ADCY5: variants seen among roughly 807,000 people sequenced by gnomAD.
ADCY5 encodes the protein adenylate cyclase 5.
Under a neutral mutation model 119.7 loss-of-function variants are expected in ADCY5, and 30 were observed. The observed-to-expected ratio is 0.25, with a 90% CI of 0.19 to 0.34. The LOEUF is 0.34. Ranked by LOEUF, ADCY5 falls within the 10% of genes least tolerant of loss-of-function variation. The pLI, the probability that ADCY5 is intolerant of heterozygous loss-of-function variation, is 1.00. For synonymous variants in ADCY5, 753 were observed against 762.2 expected (o/e 0.99, Z 0.20); for missense variants, 1,324 against 1,775.2 (o/e 0.75, Z 4.57).
At chr3:123,412,347 A>G (rs1945073345) in intron 1 of ADCY5, among the ~76,000 whole-genome samples, 1 of 152,154 alleles carries the variant, frequency 6.6e-6, no homozygotes, top group South Asian at 2.1e-4. Flanking sequence ...AGTAACAGAG[A>G]AAGGACCCAA....
intron 1 of ADCY5, among the ~76,000 whole-genome samples, chr3:123,358,129 C>A (rs966508142): frequency 2.7e-5 from 4 of 150,730 alleles, no homozygotes; most frequent in Admixed American, 2.6e-4. Flanking sequence ...GCTGGCCTCA[C>A]GGGACACATC....
chr3:123,396,826 G>GAGAGAGAGAGAGAGAGAC (rs1944607982), intron 1 of ADCY5, among the ~76,000 whole-genome samples: 1 of 150,406 alleles, frequency 6.6e-6, no homozygotes, highest in Non-Finnish European at 1.5e-5. Flanking sequence ...AGGCGAGAGA[G>GAGAGAGAGAGAGAGAGAC]AGAGAGAGAG....
intron 3 of ADCY5, among the ~76,000 whole-genome samples, chr3:123,342,137 G>C (rs1942316615): frequency 6.6e-6 from 1 of 152,206 alleles, no homozygotes; most frequent in Non-Finnish European, 1.5e-5. Flanking sequence ...CGGGAATGCA[G>C]GATGTTCACG....
rs781458896 is a variant in ADCY5 at position 123,447,549 on chromosome 3, C to T, written c.997G>A (p.Val333Met). The T allele has an allele frequency of 1.2e-6, 2 of 1,609,438 alleles. No homozygotes were observed. Among genetic ancestry groups the T allele is most frequent in the South Asian group, 1.1e-5 (1 of 90,912 alleles). The change falls in exon 1 of 21, where the codon GTG (valine) becomes ATG (methionine). Residue 333 changes from valine to methionine, a missense_variant. Physicochemically the swap from Val to Met is conservative, Grantham distance 21. This residue lies in a region of ADCY5 where 585 missense variants were observed against 569.9 expected (regional missense o/e 1.03). Transcript: ENST00000462833. Reference protein sequence around the residue: ...RSASEGIWWTVFFIYTIYTLL... With the variant: ...RSASEGIWWTMFFIYTIYTLL... Reference sequence around the variant, plus strand: ...GTGTAGATGGTGTAGATGAAGAACACGGTCCACCAGATGCCCTCAGAGGCG... The same window carrying T: ...GTGTAGATGGTGTAGATGAAGAACATGGTCCACCAGATGCCCTCAGAGGCG...
intron 1 of ADCY5, among the ~76,000 whole-genome samples, chr3:123,360,933 C>T (rs890990090): frequency 8.5e-5 from 13 of 152,212 alleles, no homozygotes; most frequent in East Asian, 3.9e-4. Flanking sequence ...AACTGAGGCC[C>T]GAGGCAGGGG....
chr3:123,399,896 C>T (rs556458453), intron 1 of ADCY5, among the ~76,000 whole-genome samples: 45 of 152,240 alleles, frequency 3.0e-4, no homozygotes, highest in African/African-American at 1.1e-3. Context: ...TTAATATCCC[C>T]AAGTCAACAG....
Position 123,332,856 on chromosome 3 carries a change from G to A in ADCY5, c.1407-181C>T, listed in dbSNP as rs766189295. Among the ~76,000 whole-genome samples the A allele has an allele frequency of 4.7e-4, 72 of 152,002 alleles. 1 individual carries two copies. Among genetic ancestry groups the A allele is most frequent in the Middle Eastern group, 3.4e-3 (1 of 294 alleles). On this transcript the variant is annotated intron_variant, in intron 3 of 20. Coordinates refer to ENST00000462833, the MANE Select transcript of ADCY5 (RefSeq NM_183357.3). ...TGCAGCCTCGACTTCTTGGGCTCAG[G>A]GGATCCTCTCCCCTCAGCCTCCCAA...
chr3:123,366,333 G>C lies in ADCY5; in HGVS notation c.1135-13752C>G, dbSNP rs80260496. On this transcript the variant is annotated intron_variant, in intron 1 of 20. Coordinates refer to ENST00000462833, the MANE Select transcript of ADCY5 (RefSeq NM_183357.3). ...AGAATATCAAACTGCTGAGCCATTG[G>C]TGGCCCACCTTAGGCCCACAGAGTG... Among the ~76,000 whole-genome samples the C allele has an allele frequency of 5.3e-3, 809 of 152,282 alleles. 6 individuals carry two copies. Among genetic ancestry groups the C allele is most frequent in the African/African-American group, 0.018 (738 of 41,552 alleles).
At chr3:123,380,351 G>T (rs760108352) in intron 1 of ADCY5, among the ~76,000 whole-genome samples, 1 of 152,222 alleles carries the variant, frequency 6.6e-6, no homozygotes, top group Non-Finnish European at 1.5e-5. Flanking sequence ...GCCCTGAGTA[G>T]CTGGCGTTTG....
At chr3:123,327,535 AAG>A in intron 7 of ADCY5, 81 bp downstream of exon 7, 1 of 1,371,048 alleles carries the variant, frequency 7.3e-7, no homozygotes, top group Non-Finnish European at 9.9e-7. Flanking sequence ...CACTCAAGGA[AAG>A]AGAAGGAAGC....
intron 4 of ADCY5, 114 bp from the exon 5 acceptor site, chr3:123,331,130 C>A: frequency 8.4e-7 from 1 of 1,187,096 alleles, no homozygotes; most frequent in Non-Finnish European, 1.2e-6. Context: ...CCTTTTAGGG[C>A]AGTGAGCGCA....
chr3:123,303,655 T>G (rs1248295912), intron 13 of ADCY5, among the ~76,000 whole-genome samples: 10 of 151,800 alleles, frequency 6.6e-5, no homozygotes, highest in Non-Finnish European at 2.9e-5. Flanking sequence ...AAACCCCATC[T>G]CTAAAAAAAA....
At chr3:123,407,840 A>G (rs1944940508) in intron 1 of ADCY5, among the ~76,000 whole-genome samples, 1 of 147,740 alleles carries the variant, frequency 6.8e-6, no homozygotes, top group Non-Finnish European at 1.5e-5. Context: ...CACTTATAGG[A>G]CATATCCAGA....
chr3:123,283,098 C>CCT lies in ADCY5; in HGVS notation c.*1508_*1509dup, dbSNP rs1447343071. The CCT allele has an allele frequency of 6.6e-6, 1 of 152,246 alleles. No individual in the cohort carries two copies. Among genetic ancestry groups the CCT allele is most frequent in the East Asian group, 1.9e-4 (1 of 5,196 alleles). 9.4% of individuals were successfully genotyped at this position (152,246 alleles called of 1,614,324 possible). On this transcript the variant is annotated 3_prime_UTR_variant, in exon 21 of 21. Transcript: ENST00000462833. ...ACTCTAAAGCTGGGCTCTACCCATT[C>CCT]CTCTGCCTGGTTTGCCGGTGGAGGT...
chr3:123,297,453 C>A (rs971250781), intron 15 of ADCY5, 71 bp from the exon 16 acceptor site: 184 of 1,507,778 alleles, frequency 1.2e-4, no homozygotes, highest in Non-Finnish European at 1.6e-4. Flanking sequence ...TCCTGCTCAG[C>A]CCCCACGCCC....
At chr3:123,403,613 C>T (rs769406630) in intron 1 of ADCY5, among the ~76,000 whole-genome samples, 2 of 152,182 alleles carry the variant, frequency 1.3e-5, no homozygotes, top group Non-Finnish European at 2.9e-5. Flanking sequence ...GGGTCCATCC[C>T]TCTAGGAATG....
Position 123,284,389 on chromosome 3 carries a change from T to C in ADCY5, c.*219A>G, listed in dbSNP as rs919572670. 2 of 621,444 alleles carry C rather than the reference T, an allele frequency of 3.2e-6. No homozygotes were observed. Among genetic ancestry groups the C allele is most frequent in the African/African-American group, 3.7e-5 (2 of 54,058 alleles). 38.5% of individuals were successfully genotyped at this position (621,444 alleles called of 1,614,324 possible). On this transcript the variant is annotated 3_prime_UTR_variant, in exon 21 of 21. Coordinates refer to ENST00000462833, the MANE Select transcript of ADCY5 (RefSeq NM_183357.3). ...AGTCTTCTACAGAGGGAAACATCTTTGGTCAGCTGGGTGCTCGCAGGACGC... is the reference window on the plus strand; with the variant it reads ...AGTCTTCTACAGAGGGAAACATCTTCGGTCAGCTGGGTGCTCGCAGGACGC...
chr3:123,415,656 A>G (rs1945168907), intron 1 of ADCY5, among the ~76,000 whole-genome samples: 1 of 152,174 alleles, frequency 6.6e-6, no homozygotes, highest in Admixed American at 6.5e-5. Context: ...AGGCAGTTTA[A>G]TTACAAAGCC....
intron 1 of ADCY5, among the ~76,000 whole-genome samples, chr3:123,387,407 G>GA (rs920439931): frequency 3.9e-4 from 59 of 152,040 alleles, no homozygotes; most frequent in African/African-American, 1.2e-3. Flanking sequence ...CTAGCCAGGG[G>GA]AAAAAAAATC....
Sources: allele counts gnomAD v4.1 joint callset (sites outside exome capture counted in the v4.1 genomes callset), GRCh38; gene constraint gnomAD v4.1.1; regional missense constraint gnomAD v4.1.1; transcripts MANE v1.5; gene names NCBI Gene and HGNC (gene_info 2026-07-23, HGNC 2026-07-21).